The following BAALC variants were observed in gnomAD, a reference collection of about 807,000 sequenced individuals.
BAALC encodes the protein brain and acute leukemia cytoplasmic protein.
Under a neutral mutation model 15.5 loss-of-function variants are expected in BAALC, and 9 were observed. The ratio of observed to expected loss-of-function variants is 0.58; its 90% CI spans 0.35 to 1.02. The LOEUF (loss-of-function observed/expected upper bound fraction) is 1.02. Among genes scored for constraint, BAALC ranks in the 50% least tolerant of loss-of-function variants. The probability of loss-of-function intolerance (pLI) is 0.02; values close to 1 mark genes in which losing one functional copy is unlikely to be tolerated. For missense variants in BAALC, 201 were observed against 192.4 expected (o/e 1.04, Z -0.27); for synonymous variants, 80 against 74.6 (o/e 1.07, Z -0.37).
chr8:103,186,209 G>T (rs1031349979), intron 1 of BAALC, among the ~76,000 whole-genome samples: 1 of 152,148 alleles, frequency 6.6e-6, no homozygotes, highest in Admixed American at 6.5e-5. Flanking sequence ...CTTTATGGGG[G>T]GCTCCCCAGC....
rs67526513 is a variant in BAALC, at chr8:103,157,125, TAC to T, written c.160+16093_160+16094del. On this transcript the variant is annotated intron_variant, in intron 1 of 2. Coordinates refer to ENST00000309982, the MANE Select transcript of BAALC (RefSeq NM_024812.3). ...AAGGTGATCTGAATATGTGTGTAGG[TAC>T]ACACACACACACACACACACACACC... 1,408 of 149,566 alleles carry T rather than the reference TAC, an allele frequency of 9.4e-3. 18 individuals carry two copies. Among genetic ancestry groups the T allele is most frequent in the African/African-American group, 0.027 (1,119 of 40,784 alleles). The allele number at this position is 149,566 out of a possible 1,614,324, so 9.3% of individuals were successfully genotyped here.
chr8:103,203,633 A>G (rs1360700984), intron 1 of BAALC, among the ~76,000 whole-genome samples: 1 of 152,138 alleles, frequency 6.6e-6, no homozygotes, highest in African/African-American at 2.4e-5. Context: ...TTTTCTATCT[A>G]TAGAATTGCC....
intron 1 of BAALC, chr8:103,154,540 C>A (rs567952652): frequency 6.5e-6 from 1 of 153,782 alleles, no homozygotes; most frequent in African/African-American, 2.4e-5. Flanking sequence ...TTCATGATTT[C>A]CCACTATCTA....
At chr8:103,202,302 C>A (rs2130034965) in intron 1 of BAALC, among the ~76,000 whole-genome samples, 1 of 152,148 alleles carries the variant, frequency 6.6e-6, no homozygotes, top group South Asian at 2.1e-4. Flanking sequence ...TGGGTAGGCA[C>A]AAATCCAGTA....
chr8:103,140,930 C>T lies in BAALC; in HGVS notation c.33C>T (p.Ile11=), dbSNP rs761135936. Residue 11 remains isoleucine, a synonymous_variant, in exon 1 of 3, where the codon ATC becomes ATT. Transcript: ENST00000309982. The surrounding 1 kb of genome is among the most constrained non-coding windows in gnomAD (Gnocchi z 4.2). ...GCGGCGGGAGCCGGGCGGATGCCATCGAGCCCCGCTACTACGAGAGCTGGA... is the reference window on the plus strand; with the variant it reads ...GCGGCGGGAGCCGGGCGGATGCCATTGAGCCCCGCTACTACGAGAGCTGGA... The part of the protein sequence containing the change: MGCGGSRADA[I]EPRYYESWTR... 5.9e-6 allele frequency: 9 copies of T among 1,528,054 alleles called. No individual in the cohort carries two copies. In the South Asian group the frequency reaches 9.7e-5, roughly 17 times the overall value. 94.7% of individuals were successfully genotyped at this position (1,528,054 alleles called of 1,614,324 possible). A position where few individuals can be genotyped will look rare whatever the true frequency, so the allele number is the denominator to read the frequency against.
intron 1 of BAALC, chr8:103,157,125 T>TACACACACAC (rs67526513): frequency 6.0e-5 from 9 of 149,906 alleles, no homozygotes; most frequent in African/African-American, 2.2e-4. Flanking sequence ...TGTGTGTAGG[T>TACACACACAC]ACACACACAC....
chr8:103,144,263 T>C (rs1449702838), intron 1 of BAALC, among the ~76,000 whole-genome samples: 2 of 152,226 alleles, frequency 1.3e-5, no homozygotes, highest in Non-Finnish European at 2.9e-5. Flanking sequence ...TGCATCTTCT[T>C]ACTCAAAAAA....
intron 2 of BAALC, 73 bp from the exon 3 acceptor site, chr8:103,227,916 T>C: frequency 9.6e-7 from 1 of 1,038,388 alleles, no homozygotes. Context: ...TCTAAATTGA[T>C]TGAGACTTGC....
At chr8:103,179,495 C>T (rs55748265) in intron 1 of BAALC, among the ~76,000 whole-genome samples, 1,924 of 152,304 alleles carry the variant, frequency 0.013, 48 homozygotes, top group African/African-American at 0.043. Flanking sequence ...GTGCTCTATG[C>T]GGAGTCACAG....
At chr8:103,185,768 C>G (rs1458846100) in intron 1 of BAALC, among the ~76,000 whole-genome samples, 1 of 152,234 alleles carries the variant, frequency 6.6e-6, no homozygotes, top group East Asian at 1.9e-4. Flanking sequence ...GGATTATCAT[C>G]TAGCACTGGG....
intron 1 of BAALC, among the ~76,000 whole-genome samples, chr8:103,159,656 C>T (rs1001225285): frequency 2.0e-5 from 3 of 152,066 alleles, no homozygotes; most frequent in Admixed American, 6.6e-5. Flanking sequence ...AGTGGGATCC[C>T]CCGTTTGACT....
intron 2 of BAALC, among the ~76,000 whole-genome samples, chr8:103,217,294 C>T (rs1320699708): frequency 1.3e-5 from 2 of 152,206 alleles, no homozygotes; most frequent in East Asian, 3.8e-4. Flanking sequence ...CCCTCAAAGG[C>T]CAACGCAAAG....
At position 103,228,089 on chromosome 8, in the gene BAALC, G is replaced by A. The variant is rs369629363; in HGVS notation, c.428G>A (p.Cys143Tyr). Reference protein sequence around the residue: ...MDRSRRITKNCVN With the variant: ...MDRSRRITKNYVN ...AGAAGTCGAAGAATCACAAAGAACTGTGTCAACTAGCAGAGAGTCCAAGCA... is the reference window on the plus strand; with the variant it reads ...AGAAGTCGAAGAATCACAAAGAACTATGTCAACTAGCAGAGAGTCCAAGCA... The change falls in exon 3 of 3, where the codon TGT becomes TAT. Residue 143 changes from cysteine (C) to tyrosine (Y), a missense_variant. By Grantham distance (194) the Cys-to-Tyr change is radical. Transcript: ENST00000309982. 65 of 1,608,504 alleles carry A rather than the reference G, an allele frequency of 4.0e-5. No individual in the cohort carries two copies. Among genetic ancestry groups the A allele is most frequent in the South Asian group, 8.8e-5 (8 of 90,850 alleles).
intron 2 of BAALC, among the ~76,000 whole-genome samples, chr8:103,223,314 C>CAAAA (rs775257175): frequency 2.2e-4 from 32 of 146,538 alleles, no homozygotes; most frequent in Non-Finnish European, 4.2e-4. Context: ...CAAAACAAAA[C>CAAAA]AAAACAAACA....
At chr8:103,161,810 A>G (rs1811231179) in intron 1 of BAALC, among the ~76,000 whole-genome samples, 1 of 152,162 alleles carries the variant, frequency 6.6e-6, no homozygotes, top group Non-Finnish European at 1.5e-5. Context: ...AGGGATTTTT[A>G]TCACTTTAGT....
intron 1 of BAALC, among the ~76,000 whole-genome samples, chr8:103,167,727 A>C (rs2129929231): frequency 6.6e-6 from 1 of 152,234 alleles, no homozygotes. Context: ...GCCATGAGTG[A>C]GGGGAGGCAG....
At chr8:103,184,525 G>A (rs991532545) in intron 1 of BAALC, among the ~76,000 whole-genome samples, 3 of 152,174 alleles carry the variant, frequency 2.0e-5, no homozygotes, top group African/African-American at 7.2e-5. Flanking sequence ...AGACAATGCT[G>A]GCTCTGAGAG....
At chr8:103,187,041 G>A (rs953595723) in intron 1 of BAALC, among the ~76,000 whole-genome samples, 1 of 152,098 alleles carries the variant, frequency 6.6e-6, no homozygotes, top group South Asian at 2.1e-4. Context: ...TATCGGCCAC[G>A]TGCTGTTCTG....
intron 1 of BAALC, among the ~76,000 whole-genome samples, chr8:103,169,423 G>A (rs188321452): frequency 1.2e-4 from 18 of 152,070 alleles, no homozygotes; most frequent in East Asian, 3.9e-4. Flanking sequence ...CTCTTGTTTC[G>A]TGGCTTTCCT....
Sources: gnomAD v4.1 joint callset for allele counts (sites outside exome capture counted in the v4.1 genomes callset) on GRCh38, gnomAD v4.1.1 for gene constraint, Gnocchi (gnomAD v3.1) non-coding constraint, MANE v1.5 for transcripts, NCBI Gene and HGNC (gene_info 2026-07-23, HGNC 2026-07-21) for gene names.